Variants in ACYP2 observed in about 807,000 individuals in gnomAD.
ACYP2 encodes acylphosphatase-2.
A neutral mutation model predicts 11.2 loss-of-function variants in ACYP2; 12 were observed. That is an observed-to-expected ratio of 1.08 (90% CI 0.69 to 1.74). The LOEUF (loss-of-function observed/expected upper bound fraction) is 1.74, where lower values mean the gene tolerates loss of function less well. ACYP2 is among the 40% of genes most tolerant of loss of function. ACYP2 has a pLI of 0.00. For synonymous variants in ACYP2, 43 were observed against 32.2 expected, an observed-to-expected ratio of 1.33 and a Z score of -1.13; for missense variants, 134 against 101.9, an observed-to-expected ratio of 1.31 and a Z score of -1.35.
chr2:54,304,576 C>G, intron 6 of ACYP2, 112 bp from the exon 4 acceptor site: 1 of 635,504 alleles, frequency 1.6e-6, no homozygotes, highest in Non-Finnish European at 2.7e-6. Flanking sequence ...CACATATATG[C>G]AAAAATTACT....
intron 2 of ACYP2, among the ~76,000 whole-genome samples, chr2:54,027,320 C>A (rs964800376): frequency 6.6e-6 from 1 of 152,154 alleles, no homozygotes; most frequent in Non-Finnish European, 1.5e-5. Flanking sequence ...GAGGGTCACT[C>A]TCTGGCCTTT....
intron 2 of ACYP2, among the ~76,000 whole-genome samples, chr2:54,037,179 C>G (rs1032175457): frequency 2.0e-5 from 3 of 152,238 alleles, no homozygotes; most frequent in African/African-American, 7.2e-5. Flanking sequence ...GTGGTGCAAT[C>G]TTGGCTCACT....
chr2:54,018,199 C>G (rs1445411362), intron 2 of ACYP2, among the ~76,000 whole-genome samples: 2 of 152,190 alleles, frequency 1.3e-5, no homozygotes, highest in East Asian at 1.9e-4. Context: ...AAGTAAGCAT[C>G]AGTATCACCT....
rs1450034645 is a variant in ACYP2, at chr2:54,138,740, C to G, written c.396C>G (p.Val132=). The change falls in exon 6 of 7, where the codon GTC becomes GTG. Residue 132 remains valine, a synonymous_variant. Coordinates refer to ENST00000607452, the MANE Select transcript of ACYP2 (RefSeq NM_001320586.2). ...AAGTGCAGGGGCCAGAAGACAAAGT[C>G]AATTCCATGTGAGTAGTAAAATTAA... The G allele has an allele frequency of 1.2e-6, 2 of 1,611,632 alleles. No individual in the cohort carries two copies. Among genetic ancestry groups the G allele is most frequent in the East Asian group, 4.5e-5 (2 of 44,886 alleles).
intron 2 of ACYP2, among the ~76,000 whole-genome samples, chr2:53,976,994 C>T (rs1231374214): frequency 1.3e-5 from 2 of 152,088 alleles, no homozygotes. Flanking sequence ...CTTTGTACTC[C>T]TTGTAGAATT....
Position 54,212,658 on chromosome 2 carries a change from A to G in ACYP2, c.404+73910A>G, listed in dbSNP as rs906701384. ...AGCAAGGATGTGGTACAGAGGAGCT[A>G]ATATGCATTCCTCATTAGTCAGCTC... On this transcript the variant is annotated intron_variant, in intron 6 of 6. Transcript: ENST00000607452. Among the ~76,000 whole-genome samples, 5 of 152,352 alleles carry G rather than the reference A, an allele frequency of 3.3e-5. No homozygotes were observed. The East Asian group carries it at 9.6e-4, about 29-fold the overall frequency.
At chr2:54,075,434 G>C (rs1290017311) in intron 4 of ACYP2, among the ~76,000 whole-genome samples, 1 of 151,586 alleles carries the variant, frequency 6.6e-6, no homozygotes, top group Non-Finnish European at 1.5e-5. Context: ...AGGAAGTGGA[G>C]TTGCAGTGAG....
chr2:54,082,290 G>A (rs1428356716), intron 4 of ACYP2, among the ~76,000 whole-genome samples: 1 of 150,174 alleles, frequency 6.7e-6, no homozygotes, highest in Admixed American at 6.7e-5. Context: ...CTATCGCCCA[G>A]GCTGGAGTGC....
chr2:54,269,631 A>G (rs1688192802), intron 6 of ACYP2, among the ~76,000 whole-genome samples: 1 of 152,186 alleles, frequency 6.6e-6, no homozygotes, highest in Non-Finnish European at 1.5e-5. Flanking sequence ...TAACTCTAGG[A>G]AGCTGAATAA....
At chr2:54,167,256 T>C (rs1683023953) in intron 6 of ACYP2, among the ~76,000 whole-genome samples, 1 of 152,178 alleles carries the variant, frequency 6.6e-6, no homozygotes, top group African/African-American at 2.4e-5. Context: ...TCCTAGCTCA[T>C]CAACTGAGAA....
At chr2:53,981,288 G>C (rs934033164) in intron 2 of ACYP2, among the ~76,000 whole-genome samples, 1 of 152,214 alleles carries the variant, frequency 6.6e-6, no homozygotes, top group Non-Finnish European at 1.5e-5. Flanking sequence ...AAAGAATGAA[G>C]CAACAAAAGC....
At chr2:54,153,216 T>C (rs1261065721) in intron 6 of ACYP2, among the ~76,000 whole-genome samples, 1 of 152,030 alleles carries the variant, frequency 6.6e-6, no homozygotes, top group Non-Finnish European at 1.5e-5. Context: ...CATTATTCTT[T>C]ATTGAAGAGA....
At chr2:54,234,514 G>A (rs1686387769) in intron 6 of ACYP2, among the ~76,000 whole-genome samples, 1 of 152,208 alleles carries the variant, frequency 6.6e-6, no homozygotes. Context: ...GCTTTTGTCT[G>A]CAGCTGATAC....
chr2:54,270,253 T>G (rs1471903182), intron 6 of ACYP2, among the ~76,000 whole-genome samples: 1 of 152,220 alleles, frequency 6.6e-6, no homozygotes, highest in Non-Finnish European at 1.5e-5. Context: ...TGATTTCCAT[T>G]GTTGCCATAA....
At chr2:54,277,677 T>TA (rs143521400) in intron 6 of ACYP2, among the ~76,000 whole-genome samples, 1,585 of 147,680 alleles carry the variant, frequency 0.011, 24 homozygotes, top group African/African-American at 0.037. Flanking sequence ...GACTCCGTCT[T>TA]AAAAAAAAAA....
intron 4 of ACYP2, among the ~76,000 whole-genome samples, chr2:54,083,730 A>G (rs1019306023): frequency 2.6e-5 from 4 of 152,120 alleles, no homozygotes; most frequent in African/African-American, 9.7e-5. Flanking sequence ...ATCTGGACAG[A>G]ATATGCTCTT....
chr2:54,004,266 C>G (rs1449529601), intron 2 of ACYP2, among the ~76,000 whole-genome samples: 1 of 151,650 alleles, frequency 6.6e-6, no homozygotes, highest in East Asian at 1.9e-4. Context: ...GGATTACAGG[C>G]ATGAGCCACT....
intron 2 of ACYP2, among the ~76,000 whole-genome samples, chr2:54,037,573 A>G (rs906275566): frequency 6.6e-6 from 1 of 151,832 alleles, no homozygotes; most frequent in Non-Finnish European, 1.5e-5. Flanking sequence ...ATGCCTAGTT[A>G]ACTTTTAAAT....
chr2:54,138,531 A>G (rs562482789), intron 5 of ACYP2, 108 bp from the exon 3 acceptor site: 58 of 784,632 alleles, frequency 7.4e-5, no homozygotes, highest in Non-Finnish European at 1.1e-4. Flanking sequence ...GGCATTGACT[A>G]CAAAAAATGA....
Sources: gnomAD v4.1 joint callset for allele counts (sites outside exome capture counted in the v4.1 genomes callset) on GRCh38, gnomAD v4.1.1 for gene constraint, MANE v1.5 for transcripts, NCBI Gene and HGNC (gene_info 2026-07-23, HGNC 2026-07-21) for gene names.